The following SMAD4 variants were observed in gnomAD, a reference collection of about 807,000 sequenced individuals.
The protein encoded by SMAD4 is SMAD family member 4.
In SMAD4, 7 loss-of-function variants were observed where a neutral mutation model predicts 63.2. That is an observed-to-expected ratio of 0.11 (90% CI 0.06 to 0.21). The LOEUF (loss-of-function observed/expected upper bound fraction) is 0.21, where lower values mean the gene tolerates loss of function less well. Ranked by LOEUF, SMAD4 falls within the 10% of genes least tolerant of loss-of-function variation. The pLI is 1.00. For missense variants in SMAD4, 312 were observed against 693.8 expected (o/e 0.45, Z 6.18); for synonymous variants, 215 against 235.4 (o/e 0.91, Z 0.79).
intron 4 of SMAD4, among the ~76,000 whole-genome samples, chr18:51,049,803 T>G (rs1909653588): frequency 6.6e-6 from 1 of 152,218 alleles, no homozygotes; most frequent in African/African-American, 2.4e-5. Context: ...TGCACTCTTT[T>G]GTATTTTTTC....
intron 4 of SMAD4, chr18:51,052,772 A>C (rs1387970703): frequency 5.1e-6 from 1 of 195,990 alleles, no homozygotes; most frequent in Non-Finnish European, 1.1e-5. Context: ...GGGTTTCTAT[A>C]TGCAAAAAAT....
At chr18:51,061,257 A>T (rs1015013359) in intron 8 of SMAD4, among the ~76,000 whole-genome samples, 2 of 152,148 alleles carry the variant, frequency 1.3e-5, no homozygotes, top group African/African-American at 4.8e-5. Context: ...CAATTAAATT[A>T]TTGGCTACAG....
In SMAD4 at chr18:51,081,131, G is replaced by A. The variant is rs943334668; in HGVS notation, c.*2664G>A. 3 of 219,442 alleles carry A rather than the reference G, an allele frequency of 1.4e-5. No individual in the cohort carries two copies. The highest frequency in any genetic ancestry group is 2.7e-5 in the Non-Finnish European group (3 of 109,712). 13.6% of individuals were successfully genotyped at this position (219,442 alleles called of 1,614,324 possible). The stretch of plus-strand genomic sequence containing the variant: ...TTTCTTAGTGGTAGTCATCTTTGAT[G>A]AATAAGACTAAAGATTCTCACAGGT... On this transcript the variant is annotated 3_prime_UTR_variant, in exon 12 of 12. Transcript: ENST00000342988.
At chr18:51,049,414 A>C in intron 4 of SMAD4, 90 bp downstream of exon 4, 1 of 912,176 alleles carries the variant, frequency 1.1e-6, no homozygotes, top group Non-Finnish European at 1.8e-6. Flanking sequence ...TGTGAGCGGC[A>C]GGCAGTAACA....
In SMAD4 at chr18:51,084,002, A is replaced by ACGCG. The variant is rs68159021; in HGVS notation, c.*5543_*5546dup. Reference sequence around the variant, plus strand: ...CAATAAACACTTAACGCGCGTGCGCACGCGCGCGCGCACACACACACACAC... The same window carrying ACGCG: ...CAATAAACACTTAACGCGCGTGCGCACGCGCGCGCGCGCGCACACACACACACAC... On this transcript the variant is annotated 3_prime_UTR_variant, in exon 12 of 12. Coordinates refer to ENST00000342988, the MANE Select transcript of SMAD4 (RefSeq NM_005359.6). 3.0e-3 allele frequency: 281 copies of ACGCG among 94,492 alleles called. 2 individuals carry two copies. The East Asian group carries it at 0.046, about 15-fold the overall frequency. The allele number at this position is 94,492 out of a possible 1,614,324, so 5.9% of individuals were successfully genotyped here.
rs1909572002 is a variant in SMAD4, at chr18:51,047,267, T to C, written c.221T>C (p.Ile74Thr). The stretch of plus-strand genomic sequence containing the variant: ...GCTCATCCTAGTAAATGTGTTACCA[T>C]ACAGAGAACATTGGATGGGAGGCTT... ...NGAHPSKCVT[I>T]QRTLDGRLQV... Residue 74 changes from isoleucine (I) to threonine (T), a missense_variant, in exon 2 of 12, where the codon ATA (isoleucine) becomes ACA (threonine). Physicochemically the swap from Ile to Thr is moderately conservative, Grantham distance 89. Around this residue, in one of 4 missense-constraint regions of SMAD4, gnomAD observed 14 missense variants for 89.6 expected, o/e 0.16. Transcript: ENST00000342988. The C allele has an allele frequency of 6.2e-7, 1 of 1,613,766 alleles. No individual in the cohort carries two copies. Among genetic ancestry groups the C allele is most frequent in the Non-Finnish European group, 8.5e-7 (1 of 1,179,812 alleles).
At position 51,084,694 on chromosome 18, in the gene SMAD4, CAT is replaced by C. The variant is rs1395636216; in HGVS notation, c.*6228_*6229del. On this transcript the variant is annotated 3_prime_UTR_variant, in exon 12 of 12. Transcript: ENST00000342988. ...ATTGAGTTCTGTTCAATGCATTGGA[CAT>C]GTGATTTAAGGGAAAAGTGTGAATG... is the stretch of plus-strand genomic sequence containing the variant. The C allele has an allele frequency of 3.9e-5, 9 of 231,862 alleles. No homozygotes were observed. Among genetic ancestry groups the C allele is most frequent in the African/African-American group, 1.8e-4 (8 of 45,334 alleles). The allele number at this position is 231,862 out of a possible 1,614,324, so 14.4% of individuals were successfully genotyped here. A position where few individuals can be genotyped will look rare whatever the true frequency, so the allele number is the denominator to read the frequency against.
chr18:51,075,567 A>G (rs929081393), intron 10 of SMAD4, among the ~76,000 whole-genome samples: 1 of 152,192 alleles, frequency 6.6e-6, no homozygotes, highest in Non-Finnish European at 1.5e-5. Flanking sequence ...TAATCTTCCA[A>G]TGCTTTTTAA....
chr18:51,071,498 GA>G (rs1910316894), intron 10 of SMAD4, among the ~76,000 whole-genome samples: 1 of 152,130 alleles, frequency 6.6e-6, no homozygotes. Context: ...AGCTTTAAAT[GA>G]AGCAAATGTT....
chr18:51,030,843 G>C (rs917623730), intron 1 of SMAD4, among the ~76,000 whole-genome samples: 14 of 151,834 alleles, frequency 9.2e-5, no homozygotes, highest in Admixed American at 7.9e-4. Flanking sequence ...CGGGCCCCCA[G>C]CTCCGCTTGC....
At chr18:51,070,200 T>C (rs1910280010) in intron 10 of SMAD4, among the ~76,000 whole-genome samples, 1 of 152,212 alleles carries the variant, frequency 6.6e-6, no homozygotes, top group African/African-American at 2.4e-5. Flanking sequence ...CTTAATCAGA[T>C]ATGGAGTAGT....
intron 11 of SMAD4, chr18:51,077,391 C>G (rs1910497807): frequency 1.0e-6 from 1 of 984,984 alleles, no homozygotes; most frequent in Non-Finnish European, 1.2e-6. Flanking sequence ...GTGATTCATT[C>G]AACCCCTGTT....
chr18:51,071,106 C>T (rs1412426479), intron 10 of SMAD4, among the ~76,000 whole-genome samples: 1 of 152,086 alleles, frequency 6.6e-6, no homozygotes, highest in Non-Finnish European at 1.5e-5. Context: ...TAACCATTGG[C>T]ATTTTCTTCA....
intron 8 of SMAD4, 73 bp from the exon 9 acceptor site, chr18:51,065,348 CTG>C (rs758891011): frequency 3.7e-5 from 45 of 1,224,270 alleles, no homozygotes; most frequent in Non-Finnish European, 4.8e-5. Flanking sequence ...TTAGGAAAAA[CTG>C]TGTTGTGGAG....
intron 1 of SMAD4, among the ~76,000 whole-genome samples, chr18:51,034,542 C>G (rs1035862321): frequency 6.6e-6 from 1 of 152,132 alleles, no homozygotes; most frequent in Non-Finnish European, 1.5e-5. Context: ...TGAGCCACCG[C>G]GCCCAGCCTT....
At chr18:51,034,095 A>C (rs1417936314) in intron 1 of SMAD4, among the ~76,000 whole-genome samples, 1 of 152,142 alleles carries the variant, frequency 6.6e-6, no homozygotes, top group Non-Finnish European at 1.5e-5. Context: ...TTATATTCCA[A>C]ATGAGAATTT....
At chr18:51,061,595 A>G (rs577359070) in intron 8 of SMAD4, among the ~76,000 whole-genome samples, 4 of 152,194 alleles carry the variant, frequency 2.6e-5, no homozygotes, top group Non-Finnish European at 5.9e-5. Context: ...AATTTTAAGC[A>G]TACCGGAATA....
intron 4 of SMAD4, among the ~76,000 whole-genome samples, chr18:51,050,362 A>T (rs911225109): frequency 6.6e-6 from 1 of 151,240 alleles, no homozygotes; most frequent in Non-Finnish European, 1.5e-5. Flanking sequence ...TCTCAAAAAA[A>T]AAAAAAGTGG....
At chr18:51,034,251 T>C (rs894025693) in intron 1 of SMAD4, among the ~76,000 whole-genome samples, 1 of 146,612 alleles carries the variant, frequency 6.8e-6, no homozygotes, top group Non-Finnish European at 1.5e-5. Context: ...CTTCTTTTTC[T>C]TTTTTTTTTT....
Sources: gnomAD v4.1 joint callset for allele counts (sites outside exome capture counted in the v4.1 genomes callset) on GRCh38, gnomAD v4.1.1 for gene constraint, gnomAD v4.1.1 regional missense constraint, MANE v1.5 for transcripts, NCBI Gene and HGNC (gene_info 2026-07-23, HGNC 2026-07-21) for gene names.